Variants in KLF15 observed in about 807,000 individuals in gnomAD.
The protein encoded by KLF15 is KLF transcription factor 15, also known as Krueppel-like factor 15.
Under a neutral mutation model 24.6 loss-of-function variants are expected in KLF15, and 4 were observed. The observed-to-expected ratio is 0.16, with a 90% CI of 0.08 to 0.37. The LOEUF (loss-of-function observed/expected upper bound fraction) is 0.37. Ranked by LOEUF, KLF15 falls within the 10% of genes least tolerant of loss-of-function variation. The probability of loss-of-function intolerance (pLI) is 1.00; values close to 1 mark genes in which losing one functional copy is unlikely to be tolerated. For missense variants in KLF15, 496 were observed against 560.6 expected (o/e 0.88, Z 1.16); for synonymous variants, 246 against 236.3 (o/e 1.04, Z -0.37).
chr3:126,297,463 T>C, the KLF15 span, among the ~76,000 whole-genome samples: 1 of 152,254 alleles, frequency 6.6e-6, no homozygotes, highest in Admixed American at 6.5e-5. Flanking sequence ...ATATTCTTTT[T>C]TTATTTCAGT....
In KLF15 at chr3:126,351,417, GGCCAGTCGGA is replaced by G. The variant is rs1386404508; in HGVS notation, c.1082+414_1082+423del. On this transcript the variant is annotated intron_variant, in intron 2 of 2. Transcript: ENST00000296233. ...GCAGAGTGACCTTGGGCAAGTACCT[GGCCAGTCGGA>G]GCCCTAGTGTCCTGTGATGTAAGTT... Among the ~76,000 whole-genome samples the G allele has an allele frequency of 4.6e-5, 7 of 152,328 alleles. No homozygotes were observed. In the East Asian group the frequency reaches 1.4e-3, roughly 29 times the overall value.
the KLF15 span, among the ~76,000 whole-genome samples, chr3:126,327,796 A>G: frequency 6.6e-6 from 1 of 152,194 alleles, no homozygotes; most frequent in Non-Finnish European, 1.5e-5. Flanking sequence ...ACCATAATTT[A>G]TCTACTCGAT....
In KLF15 at chr3:126,343,684, G is replaced by A; in HGVS notation, c.*43C>T. ...TATTGCTTAAAAAAATGGGGATGGG[G>A]TGGGGATCCGGGGTGACGGACAGGC... On this transcript the variant is annotated 3_prime_UTR_variant, in exon 3 of 3. Coordinates refer to ENST00000296233, the MANE Select transcript of KLF15 (RefSeq NM_014079.4). 6.4e-7 allele frequency: 1 copy of A among 1,565,518 alleles called. No homozygotes were observed. Among genetic ancestry groups the A allele is most frequent in the South Asian group, 1.2e-5 (1 of 85,498 alleles).
In KLF15 at chr3:126,351,862, G is replaced by A. The variant is rs2082584697; in HGVS notation, c.1061C>T (p.Thr354Ile). 1.2e-6 allele frequency: 2 copies of A among 1,613,846 alleles called. No homozygotes were observed. Among genetic ancestry groups the A allele is most frequent in the South Asian group, 1.1e-5 (1 of 91,062 alleles). Residue 354 changes from threonine to isoleucine, a missense_variant, in exon 2 of 3, where the codon ACC becomes ATC. Transcript: ENST00000296233. Reference protein sequence around the residue: ...RHTGEKPFACTWPGCGWRFSR... With the variant: ...RHTGEKPFACIWPGCGWRFSR... The stretch of plus-strand genomic sequence containing the variant: ...TGACCTCCAGCCGCAGCCTGGCCAG[G>A]TGCAGGCGAAGGGCTTCTCACCCGT...
chr3:126,288,502 G>T, the KLF15 span: 3 of 152,330 alleles, frequency 2.0e-5, no homozygotes, highest in African/African-American at 7.2e-5. Flanking sequence ...CCCCGAGCCT[G>T]CTTCTGCAGC....
the KLF15 span, among the ~76,000 whole-genome samples, chr3:126,337,439 G>A: frequency 3.6e-5 from 4 of 112,620 alleles, no homozygotes; most frequent in Non-Finnish European, 5.3e-5. Flanking sequence ...GGTGGGGGGA[G>A]GGGGGAGGGA....
the KLF15 span, among the ~76,000 whole-genome samples, chr3:126,327,918 A>G: frequency 6.6e-6 from 1 of 152,194 alleles, no homozygotes; most frequent in Non-Finnish European, 1.5e-5. Flanking sequence ...TGGGTTTGCT[A>G]GGTCAAAGAA....
the KLF15 span, among the ~76,000 whole-genome samples, chr3:126,310,031 G>C: frequency 6.6e-6 from 1 of 152,242 alleles, no homozygotes; most frequent in Non-Finnish European, 1.5e-5. Context: ...GAAGGCCAAG[G>C]CCAAGGCACC....
In KLF15 at chr3:126,352,256, T is replaced by C; in HGVS notation, c.667A>G (p.Ile223Val). 1 of 1,538,900 alleles carries C rather than the reference T, an allele frequency of 6.5e-7. No homozygotes were observed. Among genetic ancestry groups the C allele is most frequent in the Non-Finnish European group, 8.7e-7 (1 of 1,145,344 alleles). ...TCCTGCTTCACAGGCACGGGCTGGATCTGCAGCAACACTGGGATGGGGCCA... is the reference window on the plus strand; with the variant it reads ...TCCTGCTTCACAGGCACGGGCTGGACCTGCAGCAACACTGGGATGGGGCCA... ...PDGPIPVLLQ[I>V]QPVPVKQESG... Residue 223 changes from isoleucine to valine, a missense_variant, in exon 2 of 3, where the codon ATC becomes GTC. Physicochemically the swap from Ile to Val is conservative, Grantham distance 29. Transcript: ENST00000296233.
At position 126,357,404 on chromosome 3, in the gene KLF15, G is replaced by A. The variant is rs2082642953; in HGVS notation, c.-193C>T. 1 of 147,246 alleles carries A rather than the reference G, an allele frequency of 6.8e-6. No individual in the cohort carries two copies. The highest frequency in any genetic ancestry group is 2.1e-4 in the South Asian group (1 of 4,812). The allele number at this position is 147,246 out of a possible 1,614,324, so 9.1% of individuals were successfully genotyped here. A position where few individuals can be genotyped will look rare whatever the true frequency, so the allele number is the denominator to read the frequency against. ...CCGGCCCGCGGGTCGCTGCGGCGGAGCACTAGCCCGCCCGCAGCTCGCTGG... is the reference window on the plus strand; with the variant it reads ...CCGGCCCGCGGGTCGCTGCGGCGGAACACTAGCCCGCCCGCAGCTCGCTGG... On this transcript the variant is annotated 5_prime_UTR_variant, in exon 1 of 3. Transcript: ENST00000296233.
downstream of KLF15, among the ~76,000 whole-genome samples, chr3:126,337,952 C>T (rs114435707): frequency 9.4e-4 from 143 of 152,200 alleles, 1 homozygote; most frequent in African/African-American, 3.3e-3. Flanking sequence ...GTAGAGAAGG[C>T]GGTGTTGGTG....
At chr3:126,327,211 C>G in the KLF15 span, among the ~76,000 whole-genome samples, 1 of 152,146 alleles carries the variant, frequency 6.6e-6, no homozygotes, top group Non-Finnish European at 1.5e-5. Context: ...CTTGACACTT[C>G]TGGGATGGAG....
At chr3:126,327,823 T>C in the KLF15 span, among the ~76,000 whole-genome samples, 13 of 152,332 alleles carry the variant, frequency 8.5e-5, no homozygotes, top group East Asian at 2.5e-3. Context: ...TTGGAAAATG[T>C]TTAGATTGTT....
At chr3:126,314,666 C>T in the KLF15 span, among the ~76,000 whole-genome samples, 1 of 152,232 alleles carries the variant, frequency 6.6e-6, no homozygotes, top group Non-Finnish European at 1.5e-5. Context: ...GCACACAGCA[C>T]AGCTCAGCAA....
At chr3:126,292,471 C>T in the KLF15 span, among the ~76,000 whole-genome samples, 3 of 152,214 alleles carry the variant, frequency 2.0e-5, no homozygotes, top group African/African-American at 7.2e-5. Flanking sequence ...AAGTAATTAA[C>T]TTAAGGAGTG....
downstream of KLF15, chr3:126,342,619 C>T (rs1477668866): frequency 6.6e-6 from 1 of 152,574 alleles, no homozygotes; most frequent in Non-Finnish European, 1.5e-5. Context: ...GAAAACAGCA[C>T]ATGAATGCCA....
chr3:126,294,970 T>G, the KLF15 span, among the ~76,000 whole-genome samples: 4 of 152,110 alleles, frequency 2.6e-5, no homozygotes, highest in South Asian at 8.3e-4. Flanking sequence ...CATGTATATA[T>G]GTGCATATAT....
chr3:126,291,888 C>A, the KLF15 span, among the ~76,000 whole-genome samples: 3 of 152,220 alleles, frequency 2.0e-5, no homozygotes, highest in African/African-American at 7.2e-5. Flanking sequence ...CTGCTCCTTG[C>A]CGGGCTTAGC....
At chr3:126,353,671 C>T (rs925921280) in intron 1 of KLF15, among the ~76,000 whole-genome samples, 64 of 152,358 alleles carry the variant, frequency 4.2e-4, no homozygotes, top group African/African-American at 1.5e-3. Context: ...AAGTGCCTGC[C>T]TGCGCAGCTG....
Sources: allele counts gnomAD v4.1 joint callset (sites outside exome capture counted in the v4.1 genomes callset), GRCh38; gene constraint gnomAD v4.1.1; transcripts MANE v1.5; gene names NCBI Gene and HGNC (gene_info 2026-07-23, HGNC 2026-07-21).